Variants in RGS6 observed in about 807,000 individuals in gnomAD.
The protein encoded by RGS6 is regulator of G-protein signaling 6.
Under a neutral mutation model 78.5 loss-of-function variants are expected in RGS6, and 30 were observed. The observed-to-expected ratio is 0.38, with a 90% CI of 0.29 to 0.52. The LOEUF is 0.52. Ranked by LOEUF, RGS6 falls within the 20% of genes least tolerant of loss-of-function variation. The probability of loss-of-function intolerance (pLI) is 0.85; values close to 1 mark genes in which losing one functional copy is unlikely to be tolerated. For synonymous variants in RGS6, 206 were observed against 206.0 expected, an observed-to-expected ratio of 1.00 and a Z score of 0.00; for missense variants, 495 against 609.7, an observed-to-expected ratio of 0.81 and a Z score of 1.98.
intron 2 of RGS6, among the ~76,000 whole-genome samples, chr14:72,333,674 C>A (rs1273095990): frequency 6.6e-6 from 1 of 152,188 alleles, no homozygotes; most frequent in Non-Finnish European, 1.5e-5. Context: ...TTGTTCTGGG[C>A]CCCACTACAG....
chr14:71,989,679 G>C (rs894354917), intron 2 of RGS6, among the ~76,000 whole-genome samples: 1 of 152,208 alleles, frequency 6.6e-6, no homozygotes, highest in Non-Finnish European at 1.5e-5. Flanking sequence ...CAGGTCTTTG[G>C]GAATAGAGCT....
chr14:72,063,525 G>A (rs2093991851), intron 2 of RGS6, among the ~76,000 whole-genome samples: 1 of 152,168 alleles, frequency 6.6e-6, no homozygotes, highest in African/African-American at 2.4e-5. Context: ...TTTCTTGAGA[G>A]ATTTTTGCTG....
chr14:72,078,783 C>T (rs1013263694), intron 2 of RGS6, among the ~76,000 whole-genome samples: 1 of 152,148 alleles, frequency 6.6e-6, no homozygotes, highest in Non-Finnish European at 1.5e-5. Flanking sequence ...ACTTAGGATC[C>T]TCTTCATTAT....
At chr14:72,561,335 A>G (rs897409922) in intron 17 of RGS6, among the ~76,000 whole-genome samples, 22 of 152,116 alleles carry the variant, frequency 1.4e-4, no homozygotes, top group Admixed American at 1.2e-3. Flanking sequence ...GCTGCCCTTC[A>G]CAGATGGCGG....
chr14:72,055,218 C>T (rs1002906702), intron 2 of RGS6, among the ~76,000 whole-genome samples: 4 of 152,098 alleles, frequency 2.6e-5, no homozygotes, highest in Admixed American at 1.3e-4. Context: ...AAAGCGCTTT[C>T]AGGGTCGCTA....
In RGS6 at chr14:71,953,864, G is replaced by A. The variant is rs145315982; in HGVS notation, c.-20-10908G>A. 7.6e-3 allele frequency among the ~76,000 whole-genome samples: 1,148 copies of A among 151,062 alleles called. 8 individuals are homozygous for A. Among genetic ancestry groups the A allele is most frequent in the Non-Finnish European group, 0.012 (817 of 67,862 alleles). On this transcript the variant is annotated intron_variant, in intron 1 of 17. Coordinates refer to ENST00000553525, the MANE Select transcript of RGS6 (RefSeq NM_001204424.2). The stretch of plus-strand genomic sequence containing the variant: ...TCTTTTTGCATTTCTTGCATAGCAG[G>A]TTTGCTGGTGATAAATTTCCTCAGT...
intron 12 of RGS6, among the ~76,000 whole-genome samples, chr14:72,490,590 A>G (rs1422412909): frequency 6.6e-6 from 1 of 152,174 alleles, no homozygotes; most frequent in Non-Finnish European, 1.5e-5. Context: ...TTTCTATCAC[A>G]ATGGTCCTGA....
intron 3 of RGS6, among the ~76,000 whole-genome samples, chr14:72,425,540 GAATA>G (rs2094399036): frequency 6.6e-6 from 1 of 152,108 alleles, no homozygotes. Context: ...TACCCAAATA[GAATA>G]AATACCGATG....
At chr14:72,398,410 T>C (rs1214223486) in intron 3 of RGS6, among the ~76,000 whole-genome samples, 1 of 152,184 alleles carries the variant, frequency 6.6e-6, no homozygotes, top group Non-Finnish European at 1.5e-5. Context: ...CCCTTTATCA[T>C]TTTTTATTAC....
intron 1 of RGS6, 182 bp downstream of exon 1, chr14:71,933,123 G>T: frequency 6.5e-6 from 1 of 152,768 alleles, no homozygotes; most frequent in Non-Finnish European, 1.5e-5. Context: ...TGGGACTGTG[G>T]AAGCACGAGC....
chr14:72,417,867 G>T (rs2093935943), intron 3 of RGS6, among the ~76,000 whole-genome samples: 1 of 152,156 alleles, frequency 6.6e-6, no homozygotes, highest in South Asian at 2.1e-4. Flanking sequence ...AGAAGCAACT[G>T]GACCACATAA....
At chr14:72,088,602 A>C (rs985022971) in intron 2 of RGS6, among the ~76,000 whole-genome samples, 1 of 150,486 alleles carries the variant, frequency 6.6e-6, no homozygotes, top group African/African-American at 2.5e-5. Context: ...CCCCCGCCCC[A>C]CCCCTTCCCA....
chr14:72,344,334 G>A (rs2077580875), intron 2 of RGS6, among the ~76,000 whole-genome samples: 1 of 152,222 alleles, frequency 6.6e-6, no homozygotes, highest in Non-Finnish European at 1.5e-5. Flanking sequence ...CCTGGGTAAT[G>A]TCAGGCACAG....
intron 2 of RGS6, among the ~76,000 whole-genome samples, chr14:72,295,723 T>C (rs1057129105): frequency 6.6e-6 from 1 of 152,210 alleles, no homozygotes; most frequent in Admixed American, 6.5e-5. Flanking sequence ...TATTTGACAT[T>C]CTATTGGATT....
At chr14:72,327,631 A>G (rs2074099602) in intron 2 of RGS6, among the ~76,000 whole-genome samples, 1 of 152,182 alleles carries the variant, frequency 6.6e-6, no homozygotes, top group Non-Finnish European at 1.5e-5. Context: ...AAGTCTAGAT[A>G]TTCACCAGTC....
intron 2 of RGS6, among the ~76,000 whole-genome samples, chr14:72,065,324 C>T (rs1210941704): frequency 6.6e-6 from 1 of 152,168 alleles, no homozygotes; most frequent in East Asian, 1.9e-4. Context: ...GGTTTACAGG[C>T]CAAAGTTTGT....
chr14:72,432,554 T>G (rs1383148628), intron 3 of RGS6, among the ~76,000 whole-genome samples: 1 of 152,238 alleles, frequency 6.6e-6, no homozygotes, highest in East Asian at 1.9e-4. Flanking sequence ...TTATAAGTTT[T>G]AGTCCTTAAT....
intron 2 of RGS6, among the ~76,000 whole-genome samples, chr14:72,214,051 T>A (rs951679399): frequency 4.7e-5 from 7 of 148,224 alleles, no homozygotes; most frequent in Admixed American, 6.9e-5. Context: ...GGAGCCAACT[T>A]ATTTCTGGGA....
At chr14:72,582,611 A>G in the RGS6 span, among the ~76,000 whole-genome samples, 3 of 152,180 alleles carry the variant, frequency 2.0e-5, no homozygotes, top group African/African-American at 7.2e-5. Flanking sequence ...GGTTTCCCTT[A>G]CAGTTTTGGC....
Sources: allele counts gnomAD v4.1 joint callset (sites outside exome capture counted in the v4.1 genomes callset), GRCh38; gene constraint gnomAD v4.1.1; transcripts MANE v1.5; gene names NCBI Gene and HGNC (gene_info 2026-07-23, HGNC 2026-07-21).